HCRTR2: variants seen among roughly 807,000 people sequenced by gnomAD.
The protein encoded by HCRTR2 is orexin receptor type 2.
HCRTR2 carries 22 observed loss-of-function variants against 49.0 expected under a neutral mutation model. The observed-to-expected ratio is 0.45, with a 90% CI of 0.32 to 0.64. The LOEUF (loss-of-function observed/expected upper bound fraction) is 0.64, where lower values mean the gene tolerates loss of function less well. Ranked by LOEUF, HCRTR2 falls within the 30% of genes least tolerant of loss-of-function variation. HCRTR2 has a pLI of 0.04. For missense variants in HCRTR2, 491 were observed against 559.4 expected (o/e 0.88, Z 1.23); for synonymous variants, 236 against 205.3 (o/e 1.15, Z -1.28).
At chr6:55,230,151 A>G (rs898952833) in intron 1 of HCRTR2, among the ~76,000 whole-genome samples, 1 of 152,214 alleles carries the variant, frequency 6.6e-6, no homozygotes, top group Non-Finnish European at 1.5e-5. Context: ...TTTACTAACC[A>G]GGATATGAAT....
chr6:55,262,404 GTAT>G lies in HCRTR2; in HGVS notation c.647-1299_647-1297del, dbSNP rs971567318. On this transcript the variant is annotated intron_variant, in intron 3 of 6. Coordinates refer to ENST00000370862, the MANE Select transcript of HCRTR2 (RefSeq NM_001384272.1). ...ATAATATTATATATAAATATATAATGTATTATATGTTATATATAATATTACATA... is the reference window on the plus strand; with the variant it reads ...ATAATATTATATATAAATATATAATGTATATGTTATATATAATATTACATA... Among the ~76,000 whole-genome samples the G allele has an allele frequency of 2.3e-5, 3 of 130,480 alleles. No individual in the cohort carries two copies. The Admixed American group carries it at 2.5e-4, about 11-fold the overall frequency. 85.6% of individuals were successfully genotyped at this position (130,480 alleles called of 152,430 possible).
At chr6:55,218,851 T>G (rs913717396) in intron 1 of HCRTR2, among the ~76,000 whole-genome samples, 1 of 152,002 alleles carries the variant, frequency 6.6e-6, no homozygotes, top group Admixed American at 6.6e-5. Flanking sequence ...AGAGACAGAG[T>G]CTCACTCTGT....
At chr6:55,116,798 C>A (rs1356540907) in intron 1 of HCRTR2, among the ~76,000 whole-genome samples, 8 of 151,068 alleles carry the variant, frequency 5.3e-5, no homozygotes, top group Admixed American at 2.7e-4. Flanking sequence ...TACTAACAGT[C>A]TAATGATGAG....
intron 1 of HCRTR2, among the ~76,000 whole-genome samples, chr6:55,215,979 TTC>T (rs1765779644): frequency 6.6e-6 from 1 of 152,190 alleles, no homozygotes; most frequent in Non-Finnish European, 1.5e-5. Context: ...TTGAGGGGCC[TTC>T]TTATTGCATC....
In HCRTR2 at chr6:55,163,231, C is replaced by T. The variant is rs556124358; in HGVS notation, c.-377-10980C>T. ...CAGCCTGAGTGACAGAGCAAGACTC[C>T]GTCTCAAAAAACAAACAAACAAACA... On this transcript the variant is annotated intron_variant, in intron 1 of 7. Coordinates refer to the HCRTR2 transcript ENST00000615358. Among the ~76,000 whole-genome samples the T allele has an allele frequency of 2.1e-4, 32 of 149,734 alleles. No homozygotes were observed. The Middle Eastern group carries it at 0.01, about 48-fold the overall frequency.
In HCRTR2 at chr6:55,174,988, C is replaced by A. The variant is rs9475188; in HGVS notation, c.223+178C>A. On this transcript the variant is annotated intron_variant, in intron 1 of 6. Coordinates refer to ENST00000370862, the MANE Select transcript of HCRTR2 (RefSeq NM_001384272.1). ...TAGAAAGTTTTCTGATTTTCCGAACCGGGACCGAGCCCTGGAAAGGTTATT... is the reference window on the plus strand; with the variant it reads ...TAGAAAGTTTTCTGATTTTCCGAACAGGGACCGAGCCCTGGAAAGGTTATT... Among the ~76,000 whole-genome samples the A allele has an allele frequency of 2.9e-3, 443 of 152,094 alleles. 5 individuals are homozygous for A. The highest frequency in any genetic ancestry group is 0.01 in the African/African-American group (421 of 41,494).
chr6:55,278,606 C>T (rs1767125069), intron 5 of HCRTR2, among the ~76,000 whole-genome samples: 2 of 152,102 alleles, frequency 1.3e-5, no homozygotes, highest in African/African-American at 4.8e-5. Context: ...CTATTTACTA[C>T]AGTCACAGCC....
At chr6:55,162,025 A>G (rs1301414111) in intron 1 of HCRTR2, among the ~76,000 whole-genome samples, 3 of 152,150 alleles carry the variant, frequency 2.0e-5, no homozygotes, top group African/African-American at 7.2e-5. Flanking sequence ...GCAGAGACAT[A>G]CACACAAAAA....
intron 1 of HCRTR2, among the ~76,000 whole-genome samples, chr6:55,176,735 C>A (rs1249660291): frequency 6.6e-6 from 1 of 152,114 alleles, no homozygotes. Flanking sequence ...CACTCTAGAG[C>A]TAAAAAGCAT....
At chr6:55,144,207 G>T (rs887633676) in intron 1 of HCRTR2, among the ~76,000 whole-genome samples, 6 of 147,744 alleles carry the variant, frequency 4.1e-5, no homozygotes, top group African/African-American at 1.5e-4. Context: ...CCGCCTCCCG[G>T]GTTCAAGCAA....
chr6:55,208,442 A>G (rs533825714), intron 1 of HCRTR2, among the ~76,000 whole-genome samples: 38 of 152,134 alleles, frequency 2.5e-4, no homozygotes, highest in South Asian at 1.0e-3. Context: ...CAGTGAGCCA[A>G]GATTACACCA....
At chr6:55,269,044 C>G (rs1413894606) in intron 4 of HCRTR2, among the ~76,000 whole-genome samples, 1 of 143,428 alleles carries the variant, frequency 7.0e-6, no homozygotes, top group Non-Finnish European at 1.5e-5. Context: ...GAACAGAGAT[C>G]GTGCCACTGC....
At chr6:55,279,805 A>G (rs1359534409) in intron 5 of HCRTR2, among the ~76,000 whole-genome samples, 2 of 152,090 alleles carry the variant, frequency 1.3e-5, no homozygotes, top group African/African-American at 4.8e-5. Context: ...AATTCTGCCC[A>G]TCGAGAACTG....
intron 1 of HCRTR2, among the ~76,000 whole-genome samples, chr6:55,231,189 C>G (rs1766107781): frequency 6.6e-6 from 1 of 152,092 alleles, no homozygotes; most frequent in Admixed American, 6.6e-5. Context: ...ACATAACACT[C>G]ACTTATGTTT....
intron 4 of HCRTR2, among the ~76,000 whole-genome samples, chr6:55,267,083 G>A (rs529429456): frequency 1.3e-5 from 2 of 152,240 alleles, no homozygotes; most frequent in Non-Finnish European, 2.9e-5. Context: ...CCACAATAAA[G>A]TGAATTAACC....
intron 1 of HCRTR2, among the ~76,000 whole-genome samples, chr6:55,115,267 C>T (rs1402160020): frequency 6.6e-6 from 1 of 151,726 alleles, no homozygotes; most frequent in Non-Finnish European, 1.5e-5. Context: ...GGCTTGAGCA[C>T]AGAATCTAGG....
chr6:55,216,324 C>T (rs1244070340), intron 1 of HCRTR2, among the ~76,000 whole-genome samples: 1 of 152,134 alleles, frequency 6.6e-6, no homozygotes, highest in African/African-American at 2.4e-5. Flanking sequence ...ACCTTCATTC[C>T]ATTCCCGTAG....
chr6:55,239,239 C>T (rs1220454882), intron 1 of HCRTR2, among the ~76,000 whole-genome samples: 3 of 152,180 alleles, frequency 2.0e-5, no homozygotes, highest in African/African-American at 7.2e-5. Context: ...CCTTAAAGGC[C>T]TGTGAAGATC....
rs113210783 is a variant in HCRTR2, at chr6:55,260,629, G to A, written c.647-3078G>A. Among the ~76,000 whole-genome samples, 392 of 152,054 alleles carry A rather than the reference G, an allele frequency of 2.6e-3. 2 individuals carry two copies. The highest frequency in any genetic ancestry group is 8.8e-3 in the African/African-American group (365 of 41,476). The stretch of plus-strand genomic sequence containing the variant: ...TACTGACCCTGCTGAAGACTGCAGC[G>A]GATAAAGACATCTAAACCAAAAGAG... On this transcript the variant is annotated intron_variant, in intron 3 of 6. Coordinates refer to ENST00000370862, the MANE Select transcript of HCRTR2 (RefSeq NM_001384272.1).
Sources: gnomAD v4.1 joint callset for allele counts (sites outside exome capture counted in the v4.1 genomes callset) on GRCh38, gnomAD v4.1.1 for gene constraint, MANE v1.5 for transcripts, NCBI Gene and HGNC (gene_info 2026-07-23, HGNC 2026-07-21) for gene names.